The following CEP112 variants were observed in gnomAD, a reference collection of about 807,000 sequenced individuals.
The protein encoded by CEP112 is centrosomal protein of 112 kDa.
A neutral mutation model predicts 153.0 loss-of-function variants in CEP112; 127 were observed. The ratio of observed to expected loss-of-function variants is 0.83; its 90% CI spans 0.72 to 0.96. CEP112 has a LOEUF of 0.96. CEP112 is among the 40% of genes least tolerant of loss of function. The pLI is 0.00. For synonymous variants in CEP112, 358 were observed against 374.4 expected, an observed-to-expected ratio of 0.96 and a Z score of 0.51; for missense variants, 1,089 against 1,101.2, an observed-to-expected ratio of 0.99 and a Z score of 0.16.
chr17:65,712,549 C>T (rs993452175), intron 23 of CEP112, among the ~76,000 whole-genome samples: 2 of 151,518 alleles, frequency 1.3e-5, no homozygotes, highest in South Asian at 2.1e-4. Flanking sequence ...GGGCTATTCG[C>T]GTCACTATCC....
chr17:65,765,549 C>T (rs1451844701), intron 21 of CEP112, among the ~76,000 whole-genome samples: 3 of 152,110 alleles, frequency 2.0e-5, no homozygotes, highest in African/African-American at 7.2e-5. Flanking sequence ...CCCAACACTG[C>T]TATGGCTGCT....
intron 12 of CEP112, among the ~76,000 whole-genome samples, chr17:66,044,870 T>TA (rs920257190): frequency 6.6e-6 from 1 of 151,818 alleles, no homozygotes; most frequent in Non-Finnish European, 1.5e-5. Flanking sequence ...GTCTATTCAA[T>TA]AAAAAAAGAA....
At chr17:66,012,519 T>G (rs2064578211) in intron 16 of CEP112, among the ~76,000 whole-genome samples, 2 of 152,236 alleles carry the variant, frequency 1.3e-5, no homozygotes, top group South Asian at 4.1e-4. Context: ...AACTCTTGGC[T>G]GAAAATTCTT....
chr17:65,853,374 T>C (rs1346143270), intron 20 of CEP112, among the ~76,000 whole-genome samples: 1 of 152,156 alleles, frequency 6.6e-6, no homozygotes, highest in East Asian at 1.9e-4. Context: ...ACACTGGTCA[T>C]ACTGGATTTA....
intron 24 of CEP112, among the ~76,000 whole-genome samples, chr17:65,675,190 G>C (rs1278391921): frequency 6.6e-6 from 1 of 152,052 alleles, no homozygotes; most frequent in Admixed American, 6.6e-5. Flanking sequence ...ATTTCCAGAA[G>C]GAAGACAGAG....
At chr17:65,888,802 A>C (rs2059371799) in intron 20 of CEP112, among the ~76,000 whole-genome samples, 1 of 152,130 alleles carries the variant, frequency 6.6e-6, no homozygotes, top group African/African-American at 2.4e-5. Flanking sequence ...TCAGTCTAGG[A>C]ATCTGGGCAT....
intron 24 of CEP112, among the ~76,000 whole-genome samples, chr17:65,668,291 T>C (rs1322848859): frequency 6.6e-6 from 1 of 152,150 alleles, no homozygotes; most frequent in African/African-American, 2.4e-5. Context: ...TTGTAAACAA[T>C]TCACACATCG....
chr17:66,041,754 A>C (rs1179253374), intron 12 of CEP112, among the ~76,000 whole-genome samples: 2 of 152,218 alleles, frequency 1.3e-5, no homozygotes, highest in Non-Finnish European at 2.9e-5. Context: ...CTTATAACCC[A>C]AAGCATAAGA....
At chr17:66,037,664 A>G (rs1168508204) in intron 12 of CEP112, among the ~76,000 whole-genome samples, 3 of 152,156 alleles carry the variant, frequency 2.0e-5, no homozygotes, top group South Asian at 2.1e-4. Context: ...CTAGTACCAT[A>G]AAAGTATGAA....
intron 18 of CEP112, among the ~76,000 whole-genome samples, chr17:65,930,427 A>T: frequency 6.6e-6 from 1 of 152,214 alleles, no homozygotes; most frequent in Middle Eastern, 3.2e-3. Flanking sequence ...CTAACACCAC[A>T]TTCCAGTTTC....
intron 24 of CEP112, among the ~76,000 whole-genome samples, chr17:65,641,560 T>C (rs1368396600): frequency 6.6e-6 from 1 of 152,034 alleles, no homozygotes; most frequent in Non-Finnish European, 1.5e-5. Flanking sequence ...CCCAGGAGTT[T>C]GAGACCAGCC....
At chr17:66,062,908 T>G (rs1206726571) in intron 11 of CEP112, 55 bp downstream of exon 11, 4 of 830,690 alleles carry the variant, frequency 4.8e-6, no homozygotes, top group African/African-American at 1.8e-5. Context: ...TAATTAAATA[T>G]GTTACTTGGA....
chr17:65,978,754 TAAGGA>T (rs1299792890), intron 17 of CEP112, among the ~76,000 whole-genome samples: 2 of 152,332 alleles, frequency 1.3e-5, no homozygotes, highest in East Asian at 3.9e-4. Flanking sequence ...ACTCAATTCC[TAAGGA>T]AAGCATCCAA....
intron 20 of CEP112, among the ~76,000 whole-genome samples, chr17:65,900,127 C>T (rs1334047716): frequency 6.6e-6 from 1 of 152,060 alleles, no homozygotes; most frequent in Non-Finnish European, 1.5e-5. Context: ...TTTTGGTACA[C>T]ATGATAAGAT....
intron 4 of CEP112, among the ~76,000 whole-genome samples, chr17:66,173,294 T>C (rs898540879): frequency 6.6e-6 from 1 of 152,190 alleles, no homozygotes; most frequent in Non-Finnish European, 1.5e-5. Flanking sequence ...CTCCAACATA[T>C]GGCTGTCTCT....
At chr17:65,953,661 C>G (rs1263701974) in intron 18 of CEP112, among the ~76,000 whole-genome samples, 1 of 113,538 alleles carries the variant, frequency 8.8e-6, no homozygotes, top group African/African-American at 2.9e-5. Context: ...TGTGTGGGAG[C>G]AGGGTGAGGC....
intron 16 of CEP112, among the ~76,000 whole-genome samples, chr17:66,021,722 G>T (rs1260054340): frequency 6.6e-6 from 1 of 152,116 alleles, no homozygotes; most frequent in African/African-American, 2.4e-5. Flanking sequence ...CCCCTGTCAG[G>T]GCTGGTGCTT....
At chr17:66,025,049 T>C (rs1261662337) in intron 16 of CEP112, among the ~76,000 whole-genome samples, 3 of 152,126 alleles carry the variant, frequency 2.0e-5, no homozygotes, top group Non-Finnish European at 4.4e-5. Flanking sequence ...AGGACACCCT[T>C]TTCAATAAAT....
intron 21 of CEP112, among the ~76,000 whole-genome samples, chr17:65,769,483 T>C (rs1429631094): frequency 1.3e-5 from 2 of 151,852 alleles, no homozygotes; most frequent in Non-Finnish European, 1.5e-5. Context: ...AAAAATAAAG[T>C]TGGAGGCATC....
Sources: gnomAD v4.1 joint callset for allele counts (sites outside exome capture counted in the v4.1 genomes callset) on GRCh38, gnomAD v4.1.1 for gene constraint, MANE v1.5 for transcripts, NCBI Gene and HGNC (gene_info 2026-07-23, HGNC 2026-07-21) for gene names.